Variants in PCSK6 observed in about 807,000 individuals in gnomAD.
The protein encoded by PCSK6 is proprotein convertase subtilisin/kexin type 6.
A neutral mutation model predicts 123.3 loss-of-function variants in PCSK6; 85 were observed. The ratio of observed to expected loss-of-function variants is 0.69; its 90% CI spans 0.58 to 0.83. The LOEUF (loss-of-function observed/expected upper bound fraction) is 0.83. Ranked by LOEUF, PCSK6 falls within the 40% of genes least tolerant of loss-of-function variation. PCSK6 has a pLI of 0.00. For synonymous variants in PCSK6, 508 were observed against 516.0 expected, an observed-to-expected ratio of 0.98 and a Z score of 0.21; for missense variants, 1,191 against 1,282.3, an observed-to-expected ratio of 0.93 and a Z score of 1.09.
intron 1 of PCSK6, among the ~76,000 whole-genome samples, chr15:101,478,944 C>T (rs553738851): frequency 6.6e-5 from 10 of 152,304 alleles, no homozygotes; most frequent in African/African-American, 2.4e-4. Flanking sequence ...GATGATTTGC[C>T]TTTGGTGAAT....
intron 1 of PCSK6, among the ~76,000 whole-genome samples, chr15:101,483,597 G>T (rs183948171): frequency 6.6e-6 from 1 of 152,206 alleles, no homozygotes; most frequent in African/African-American, 2.4e-5. Flanking sequence ...AGCAGCAGAC[G>T]CTGAGCTGTT....
chr15:101,345,351 GT>G (rs2040705617), intron 13 of PCSK6, among the ~76,000 whole-genome samples: 1 of 152,024 alleles, frequency 6.6e-6, no homozygotes, highest in Non-Finnish European at 1.5e-5. Context: ...CTTAGAAAAA[GT>G]TTTATATATC....
At chr15:101,433,100 G>A (rs2056497273) in intron 2 of PCSK6, among the ~76,000 whole-genome samples, 1 of 152,196 alleles carries the variant, frequency 6.6e-6, no homozygotes. Flanking sequence ...TAAGACCAAG[G>A]ATCAAGGCAC....
At chr15:101,409,084 C>G (rs2141612674) in intron 6 of PCSK6, among the ~76,000 whole-genome samples, 1 of 152,356 alleles carries the variant, frequency 6.6e-6, no homozygotes, top group Admixed American at 6.5e-5. Flanking sequence ...CGGTCTCCAG[C>G]TGCCCTTGCT....
chr15:101,321,689 C>A (rs1337038542), intron 18 of PCSK6, among the ~76,000 whole-genome samples: 1 of 152,282 alleles, frequency 6.6e-6, no homozygotes, highest in Non-Finnish European at 1.5e-5. Flanking sequence ...CACCGCCTCA[C>A]CCTGCAAAAG....
At chr15:101,380,939 A>G (rs892463128) in intron 11 of PCSK6, among the ~76,000 whole-genome samples, 3 of 152,226 alleles carry the variant, frequency 2.0e-5, no homozygotes, top group African/African-American at 7.2e-5. Context: ...TATCAGATAC[A>G]AGGCCCAGAG....
In PCSK6 at chr15:101,382,075, C is replaced by A; in HGVS notation, c.1532+17G>T. The A allele has an allele frequency of 3.8e-6, 6 of 1,567,106 alleles. No individual in the cohort carries two copies. Among genetic ancestry groups the A allele is most frequent in the Admixed American group, 1.8e-5 (1 of 55,854 alleles). On this transcript the variant is annotated intron_variant, in intron 11 of 21. Coordinates refer to ENST00000611716, the MANE Select transcript of PCSK6 (RefSeq NM_002570.5). ...CCACGTGCCTGAGAAGTCACCGATG[C>A]CACAGCAGAGCCTTACCTGGGTCTC...
chr15:101,466,884 A>G (rs2132196), intron 1 of PCSK6, among the ~76,000 whole-genome samples: 122,714 of 151,956 alleles, frequency 0.81, 49,915 homozygotes, highest in Non-Finnish European at 0.85. Context: ...AGACGGGGAT[A>G]GCATTTCTTT....
At chr15:101,457,295 A>G (rs1049380419) in intron 1 of PCSK6, among the ~76,000 whole-genome samples, 1 of 152,244 alleles carries the variant, frequency 6.6e-6, no homozygotes, top group Non-Finnish European at 1.5e-5. Flanking sequence ...TTAAGTGAAA[A>G]GGATCTCTGA....
At chr15:101,331,752 A>G in intron 14 of PCSK6, 63 bp from the exon 15 acceptor site, 1 of 1,600,744 alleles carries the variant, frequency 6.2e-7, no homozygotes. Context: ...CACAACCATC[A>G]GCCCCACCTT....
Position 101,340,807 on chromosome 15 carries a change from T to C in PCSK6, c.1859-8776A>G, listed in dbSNP as rs567844445. ...TGTTCTAACAAAATTTCTTACTGGG[T>C]CCAATATTTATTGTCTTTCCCCCAC... is the stretch of plus-strand genomic sequence containing the variant. On this transcript the variant is annotated intron_variant, in intron 13 of 21. Transcript: ENST00000611716. Among the ~76,000 whole-genome samples, 3 of 151,958 alleles carry C rather than the reference T, an allele frequency of 2.0e-5. No homozygotes were observed. The South Asian group carries it at 6.2e-4, about 32-fold the overall frequency.
intron 1 of PCSK6, among the ~76,000 whole-genome samples, chr15:101,473,319 T>C (rs755162040): frequency 1.3e-5 from 2 of 152,170 alleles, no homozygotes; most frequent in Non-Finnish European, 2.9e-5. Flanking sequence ...CATAGCTCAC[T>C]ACAGCCTCGA....
At chr15:101,388,892 G>T (rs550639609) in intron 9 of PCSK6, among the ~76,000 whole-genome samples, 1 of 152,322 alleles carries the variant, frequency 6.6e-6, no homozygotes, top group Non-Finnish European at 1.5e-5. Flanking sequence ...CCAGAGGCTA[G>T]GGCGGGGGGT....
At position 101,398,363 on chromosome 15, in the gene PCSK6, C is replaced by T. The variant is rs771333944; in HGVS notation, c.996+41G>A. The T allele has an allele frequency of 1.3e-6, 2 of 1,566,512 alleles. No homozygotes were observed. The highest frequency in any genetic ancestry group is 1.8e-5 in the Admixed American group (1 of 56,568). On this transcript the variant is annotated intron_variant, in intron 7 of 21. Coordinates refer to ENST00000611716, the MANE Select transcript of PCSK6 (RefSeq NM_002570.5). The surrounding 1 kb of genome is among the most constrained non-coding windows in gnomAD (Gnocchi z 4.6). Reference sequence around the variant, plus strand: ...ACTTGTTAAAATGTTTACTGTCACCCTTGTCCCAGAGCGCTCCCCTGTAGC... The same window carrying T: ...ACTTGTTAAAATGTTTACTGTCACCTTTGTCCCAGAGCGCTCCCCTGTAGC...
At chr15:101,467,016 C>A (rs572168566) in intron 1 of PCSK6, among the ~76,000 whole-genome samples, 1 of 152,108 alleles carries the variant, frequency 6.6e-6, no homozygotes, top group Non-Finnish European at 1.5e-5. Flanking sequence ...TATAACTTAA[C>A]AGAATTGTTA....
At chr15:101,443,081 G>A (rs905905927) in intron 2 of PCSK6, among the ~76,000 whole-genome samples, 5 of 152,060 alleles carry the variant, frequency 3.3e-5, no homozygotes, top group East Asian at 1.9e-4. Context: ...CAATAAATAC[G>A]GGTTATGTTA....
chr15:101,341,022 G>A (rs1305254397), intron 13 of PCSK6, among the ~76,000 whole-genome samples: 7 of 146,448 alleles, frequency 4.8e-5, no homozygotes, highest in African/African-American at 1.5e-4. Flanking sequence ...TGCAACCTCC[G>A]CCTCCCAGGA....
chr15:101,305,353 C>G lies in PCSK6; in HGVS notation c.2815G>C (p.Asp939His). The G allele has an allele frequency of 6.2e-7, 1 of 1,611,702 alleles. No homozygotes were observed. Among genetic ancestry groups the G allele is most frequent in the East Asian group, 2.2e-5 (1 of 44,868 alleles). Residue 939 changes from aspartate to histidine, a missense_variant and splice_region_variant, in exon 22 of 22, where the codon GAC becomes CAC. Physicochemically the swap from Asp to His is moderately conservative, Grantham distance 81. Coordinates refer to ENST00000611716, the MANE Select transcript of PCSK6 (RefSeq NM_002570.5). This position sits in a 1 kb window ranked among gnomAD's most constrained non-coding sequence, Gnocchi z 4.8. The stretch of plus-strand genomic sequence containing the variant: ...TTCACCATCTCGCAGAATGTCTCGT[C>G]AGCTGGGGCCCCGCATCAGGAAAGG... ...CITNHTCSNADETFCEMVKSN... is the reference protein window; with the variant it reads ...CITNHTCSNAHETFCEMVKSN...
chr15:101,489,149 G>A, intron 1 of PCSK6, among the ~76,000 whole-genome samples: 1 of 142,116 alleles, frequency 7.0e-6, no homozygotes, highest in African/African-American at 2.5e-5. Flanking sequence ...GCGCCCACGC[G>A]GGACCCCAGT....
Sources: gnomAD v4.1 joint callset for allele counts (sites outside exome capture counted in the v4.1 genomes callset) on GRCh38, gnomAD v4.1.1 for gene constraint, Gnocchi (gnomAD v3.1) non-coding constraint, MANE v1.5 for transcripts, NCBI Gene and HGNC (gene_info 2026-07-23, HGNC 2026-07-21) for gene names.